PCDH15: variants seen among roughly 807,000 people sequenced by gnomAD.
PCDH15 encodes protocadherin-15.
In PCDH15, 129 loss-of-function variants were observed where a neutral mutation model predicts 178.5. That is an observed-to-expected ratio of 0.72 (90% CI 0.63 to 0.84). PCDH15 has a LOEUF of 0.84. Ranked by LOEUF, PCDH15 falls within the 40% of genes least tolerant of loss-of-function variation. PCDH15 has a pLI of 0.00. For missense variants in PCDH15, 2,230 were observed against 2,099.9 expected (o/e 1.06, Z -1.21); for synonymous variants, 800 against 732.0 (o/e 1.09, Z -1.50).
Position 54,073,761 on chromosome 10 carries a change from C to T in PCDH15, c.2091+5570G>A, listed in dbSNP as rs141008851. On this transcript the variant is annotated intron_variant, in intron 17 of 37. Transcript: ENST00000644397. Reference sequence around the variant, plus strand: ...TATTGCTGAACACACGGAATCTGGTCAGAAATATCTAGGCTACAGAATAAC... The same window carrying T: ...TATTGCTGAACACACGGAATCTGGTTAGAAATATCTAGGCTACAGAATAAC... 5.0e-4 allele frequency among the ~76,000 whole-genome samples: 76 copies of T among 152,184 alleles called. 1 individual carries two copies. The highest frequency in any genetic ancestry group is 1.7e-3 in the African/African-American group (69 of 41,522).
At chr10:55,307,359 C>T (rs879856852) in intron 1 of PCDH15, among the ~76,000 whole-genome samples, 6 of 151,620 alleles carry the variant, frequency 4.0e-5, no homozygotes, top group South Asian at 2.1e-4. Context: ...AAAAATTAGC[C>T]GGGCATGGTG....
chr10:55,165,144 A>G (rs1239964497), intron 2 of PCDH15, among the ~76,000 whole-genome samples: 1 of 152,128 alleles, frequency 6.6e-6, no homozygotes, highest in African/African-American at 2.4e-5. Context: ...TCTTGGGGAC[A>G]TGAAAATTTT....
chr10:54,914,221 G>A (rs1398169918), intron 2 of PCDH15, among the ~76,000 whole-genome samples: 1 of 152,086 alleles, frequency 6.6e-6, no homozygotes, highest in Non-Finnish European at 1.5e-5. Context: ...GGAAGTGATT[G>A]GATCGGGAGG....
chr10:54,599,529 T>C (rs2092426225), intron 2 of PCDH15: 1 of 186,080 alleles, frequency 5.4e-6, no homozygotes, highest in Non-Finnish European at 1.1e-5. Context: ...AATACTTAAA[T>C]GTAAAACCCA....
intron 2 of PCDH15, among the ~76,000 whole-genome samples, chr10:55,402,186 T>A (rs1838087031): frequency 6.6e-6 from 1 of 151,650 alleles, no homozygotes; most frequent in Non-Finnish European, 1.5e-5. Context: ...TACACAGTGC[T>A]TTGGCATGAA....
intron 37 of PCDH15, among the ~76,000 whole-genome samples, chr10:53,810,287 A>T (rs891240393): frequency 4.6e-5 from 7 of 152,142 alleles, no homozygotes; most frequent in African/African-American, 1.7e-4. Flanking sequence ...TTTATGGAGC[A>T]AGATTTAGAA....
intron 2 of PCDH15, among the ~76,000 whole-genome samples, chr10:54,976,402 A>C (rs1306043392): frequency 6.6e-6 from 1 of 152,128 alleles, no homozygotes; most frequent in Admixed American, 6.6e-5. Context: ...GTTTTACTCA[A>C]ATCAGTCTCC....
intron 15 of PCDH15, among the ~76,000 whole-genome samples, chr10:54,127,416 G>A (rs544442949): frequency 6.6e-6 from 1 of 152,296 alleles, no homozygotes; most frequent in African/African-American, 2.4e-5. Flanking sequence ...CACACTCACT[G>A]CTGATAACTG....
At chr10:54,171,264 G>A (rs980399429) in intron 13 of PCDH15, among the ~76,000 whole-genome samples, 1 of 152,118 alleles carries the variant, frequency 6.6e-6, no homozygotes, top group South Asian at 2.1e-4. Context: ...AAGAAAAGTA[G>A]AATGGACTAA....
chr10:54,599,726 G>A, intron 2 of PCDH15: 1 of 466,466 alleles, frequency 2.1e-6, no homozygotes, highest in Non-Finnish European at 4.1e-6. Flanking sequence ...AAGAAAGAAG[G>A]GGAAAAGGAA....
rs1032727271 is a variant in PCDH15, at chr10:55,189,792, A to G, written c.-155-23141T>C. The stretch of plus-strand genomic sequence containing the variant: ...TAAATGTTGACAAAAATTGGGGTAA[A>G]TGGAGTTCTTATACATTAATGAATG... On this transcript the variant is annotated intron_variant, in intron 1 of 5. Coordinates refer to the PCDH15 transcript ENST00000458638. Among the ~76,000 whole-genome samples, 3 of 151,812 alleles carry G rather than the reference A, an allele frequency of 2.0e-5. No individual in the cohort carries two copies. The East Asian group carries it at 5.8e-4, about 29-fold the overall frequency.
intron 17 of PCDH15, among the ~76,000 whole-genome samples, chr10:54,078,575 C>T (rs1385783636): frequency 1.3e-5 from 2 of 151,056 alleles, no homozygotes; most frequent in Non-Finnish European, 2.9e-5. Context: ...TGAGTTGACA[C>T]ATAAGCACCT....
intron 18 of PCDH15, among the ~76,000 whole-genome samples, chr10:54,026,161 C>G (rs1351409670): frequency 6.6e-6 from 1 of 151,844 alleles, no homozygotes; most frequent in Non-Finnish European, 1.5e-5. Flanking sequence ...CTTCACCTCC[C>G]AGGCTCAAGC....
At chr10:54,599,135 A>G (rs59884931) in intron 2 of PCDH15, among the ~76,000 whole-genome samples, 2,362 of 152,154 alleles carry the variant, frequency 0.016, 61 homozygotes, top group African/African-American at 0.054. Context: ...CATTCTTCAC[A>G]GAACTAGAAA....
At chr10:54,215,505 T>A (rs889788242) in intron 9 of PCDH15, among the ~76,000 whole-genome samples, 13 of 152,126 alleles carry the variant, frequency 8.5e-5, no homozygotes, top group Admixed American at 8.5e-4. Context: ...TCATGGAATA[T>A]ACATGAGCAA....
intron 2 of PCDH15, among the ~76,000 whole-genome samples, chr10:55,575,466 A>G (rs893464383): frequency 7.2e-5 from 11 of 152,182 alleles, no homozygotes; most frequent in Non-Finnish European, 1.3e-4. Context: ...TGGTAGCCAA[A>G]TGATACCATT....
intron 20 of PCDH15, among the ~76,000 whole-genome samples, chr10:54,012,555 G>A (rs191338669): frequency 3.3e-4 from 50 of 152,048 alleles, no homozygotes; most frequent in Admixed American, 1.4e-3. Context: ...AGAAAGAGCA[G>A]GAAACCTACA....
At chr10:53,912,870 G>A (rs565994148) in intron 25 of PCDH15, among the ~76,000 whole-genome samples, 1 of 152,114 alleles carries the variant, frequency 6.6e-6, no homozygotes, top group Admixed American at 6.6e-5. Context: ...TACTGCCCAA[G>A]GTAACTTATA....
chr10:55,575,115 T>A (rs548251332), intron 2 of PCDH15, among the ~76,000 whole-genome samples: 11 of 152,202 alleles, frequency 7.2e-5, no homozygotes, highest in African/African-American at 2.6e-4. Flanking sequence ...GTGGAAGCAG[T>A]TAACCTCCAT....
Sources: gnomAD v4.1 joint callset for allele counts (sites outside exome capture counted in the v4.1 genomes callset) on GRCh38, gnomAD v4.1.1 for gene constraint, MANE v1.5 for transcripts, NCBI Gene and HGNC (gene_info 2026-07-23, HGNC 2026-07-21) for gene names.